The following ANKRD26 variants were observed in gnomAD, a reference collection of about 807,000 sequenced individuals.
ANKRD26 encodes ankyrin repeat domain 26, also known as ankyrin repeat domain-containing protein 26.
A neutral mutation model predicts 208.7 loss-of-function variants in ANKRD26; 141 were observed. The observed-to-expected ratio is 0.68, with a 90% CI of 0.59 to 0.78. The LOEUF (loss-of-function observed/expected upper bound fraction) is 0.78. Among genes scored for constraint, ANKRD26 ranks in the 30% least tolerant of loss-of-function variants. ANKRD26 has a pLI of 0.00. For synonymous variants in ANKRD26, 636 were observed against 660.4 expected (o/e 0.96, Z 0.57); for missense variants, 1,889 against 1,938.7 (o/e 0.97, Z 0.48).
intron 1 of ANKRD26, among the ~76,000 whole-genome samples, chr10:27,096,765 CA>C (rs1177909846): frequency 0.079 from 5,757 of 73,112 alleles, 136 homozygotes; most frequent in Admixed American, 0.21. Context: ...GACTCCATCT[CA>C]AAAAAAAAAA....
chr10:26,969,898 G>C (rs999164537), downstream of ANKRD26, among the ~76,000 whole-genome samples: 1 of 150,754 alleles, frequency 6.6e-6, no homozygotes, highest in Non-Finnish European at 1.5e-5. Context: ...GCCGTGATGC[G>C]ATCTCGGCTC....
chr10:26,981,976 G>A (rs974462816), intron 4 of ANKRD26, among the ~76,000 whole-genome samples: 7 of 152,166 alleles, frequency 4.6e-5, no homozygotes, highest in African/African-American at 1.7e-4. Flanking sequence ...GGATCTCTTA[G>A]GAATCAGTCC....
chr10:26,999,560 A>G (rs1287842837), downstream of ANKRD26, among the ~76,000 whole-genome samples: 1 of 152,072 alleles, frequency 6.6e-6, no homozygotes, highest in Non-Finnish European at 1.5e-5. Flanking sequence ...AGCTCCTTAT[A>G]TGCACCTGCC....
At chr10:27,080,514 A>C (rs2055869556) in intron 6 of ANKRD26, 1 of 514,268 alleles carries the variant, frequency 1.9e-6, no homozygotes, top group Admixed American at 6.4e-5. Context: ...GCCTTAAACT[A>C]GCAAGCCCTT....
At chr10:26,979,190 A>G (rs535051616) in intron 5 of ANKRD26, among the ~76,000 whole-genome samples, 1 of 152,320 alleles carries the variant, frequency 6.6e-6, no homozygotes, top group Admixed American at 6.5e-5. Flanking sequence ...ACTGCACTCC[A>G]GCCAGGCGAC....
At position 27,030,464 on chromosome 10, in the gene ANKRD26, G is replaced by A. The variant is rs2053828407; in HGVS notation, c.3808-1108C>T. On this transcript the variant is annotated intron_variant, in intron 25 of 33. Transcript: ENST00000376087. ...ACAAGGTTCCCAAATCAAGTCATTT[G>A]CAACAACTGTCTATGCTGAGCTGCT... is the stretch of plus-strand genomic sequence containing the variant. 1.4e-5 allele frequency: 14 copies of A among 985,282 alleles called. No individual in the cohort carries two copies. In the South Asian group the frequency reaches 5.6e-4, roughly 40 times the overall value. The allele number at this position is 985,282 out of a possible 1,614,324, so 61.0% of individuals were successfully genotyped here.
chr10:27,060,365 T>C lies in ANKRD26; in HGVS notation c.1544A>G (p.Asp515Gly), dbSNP rs2055010627. The change falls in exon 15 of 34, where the codon GAT becomes GGT. Residue 515 changes from aspartate (D) to glycine (G), a missense_variant. By Grantham distance (94) the Asp-to-Gly change is moderately conservative. This residue lies in a region of ANKRD26 where 1,272 missense variants were observed against 1,273.8 expected (regional missense o/e 1.00). Coordinates refer to ENST00000376087, the MANE Select transcript of ANKRD26 (RefSeq NM_014915.3). ...TTTACCTGCTTTGGATGTTTGTACA[T>C]CCTTCATTCCTCCTGCTTTATTTGG... ...SVPNKAGGMK[D>G]VQTSKAAEHD... 6.2e-7 allele frequency: 1 copy of C among 1,612,144 alleles called. No individual in the cohort carries two copies. The highest frequency in any genetic ancestry group is 1.7e-5 in the Admixed American group (1 of 59,996).
Position 27,086,612 on chromosome 10 carries a change from A to G in ANKRD26, c.639-3T>C. On this transcript the variant is annotated splice_region_variant and splice_polypyrimidine_tract_variant and intron_variant, in intron 4 of 33. Coordinates refer to ENST00000376087, the MANE Select transcript of ANKRD26 (RefSeq NM_014915.3). ...ATTCTGAAATTAGTTGGTGACTGCTATGTATAGAAAAATGTAACAAAATTA... is the reference window on the plus strand; with the variant it reads ...ATTCTGAAATTAGTTGGTGACTGCTGTGTATAGAAAAATGTAACAAAATTA... 6.2e-7 allele frequency: 1 copy of G among 1,600,610 alleles called. No individual in the cohort carries two copies. Among genetic ancestry groups the G allele is most frequent in the Non-Finnish European group, 8.5e-7 (1 of 1,173,044 alleles).
chr10:27,036,709 T>C (rs1468050534), intron 23 of ANKRD26, among the ~76,000 whole-genome samples: 4 of 152,136 alleles, frequency 2.6e-5, no homozygotes, highest in Non-Finnish European at 5.9e-5. Context: ...AATAAGATAC[T>C]ACTTGCAGTA....
At chr10:26,950,441 T>A in the ANKRD26 span, among the ~76,000 whole-genome samples, 1 of 132,144 alleles carries the variant, frequency 7.6e-6, no homozygotes, top group Non-Finnish European at 1.7e-5. Flanking sequence ...CGTACTAATA[T>A]ACTCATGTTG....
intron 29 of ANKRD26, among the ~76,000 whole-genome samples, chr10:27,019,985 T>G (rs937435866): frequency 2.0e-5 from 3 of 152,202 alleles, no homozygotes; most frequent in African/African-American, 4.8e-5. Flanking sequence ...GCTGCCTTTG[T>G]GTCCTGAGCT....
chr10:26,957,572 G>A, the ANKRD26 span, among the ~76,000 whole-genome samples: 2 of 152,082 alleles, frequency 1.3e-5, no homozygotes, highest in Admixed American at 6.5e-5. Flanking sequence ...GCAAGATGTT[G>A]AAACAAGTTC....
At position 27,053,342 on chromosome 10, in the gene ANKRD26, C is replaced by A; in HGVS notation, c.1613G>T (p.Gly538Val). Reference sequence around the variant, plus strand: ...TACCTGTGGCTGGTTATTTTCACTCCCTTCCCTTTCTTGCTCTTCTTCTGA... The same window carrying A: ...TACCTGTGGCTGGTTATTTTCACTCACTTCCCTTTCTTGCTCTTCTTCTGA... ...VASEEEQERE[G>V]SENNQPQVEE... Residue 538 changes from glycine (G) to valine (V), a missense_variant, in exon 16 of 34, where the codon GGG (glycine) becomes GTG (valine). Transcript: ENST00000376087. The A allele has an allele frequency of 6.2e-7, 1 of 1,610,284 alleles. No homozygotes were observed. Among genetic ancestry groups the A allele is most frequent in the East Asian group, 2.2e-5 (1 of 44,580 alleles).
At chr10:27,092,245 T>A (rs1371106886) in intron 4 of ANKRD26, among the ~76,000 whole-genome samples, 161 bp downstream of exon 4, 1 of 149,788 alleles carries the variant, frequency 6.7e-6, no homozygotes, top group Admixed American at 6.6e-5. Flanking sequence ...TTAACCTTCT[T>A]ATTAAATTAA....
At chr10:27,014,362 T>TACTA in intron 31 of ANKRD26, 132 bp downstream of exon 31, 1 of 671,324 alleles carries the variant, frequency 1.5e-6, no homozygotes, top group Non-Finnish European at 2.5e-6. Context: ...TAAGTTAATT[T>TACTA]ACTAACATTT....
At chr10:27,057,922 C>A (rs1488621031) in intron 15 of ANKRD26, among the ~76,000 whole-genome samples, 1 of 141,390 alleles carries the variant, frequency 7.1e-6, no homozygotes, top group African/African-American at 2.8e-5. Context: ...GGTGACAGAG[C>A]GAGACTCCAT....
rs762195334 is a variant in ANKRD26 at position 27,100,377 on chromosome 10, A to C, written c.-51T>G. 10 of 1,599,428 alleles carry C rather than the reference A, an allele frequency of 6.3e-6. No individual in the cohort carries two copies. The highest frequency in any genetic ancestry group is 3.3e-5 in the Admixed American group (2 of 59,714). On this transcript the variant is annotated 5_prime_UTR_variant, in exon 1 of 34. Transcript: ENST00000376087. ...CACCTCATGTCTCTCTCGGCTCTTA[A>C]CGGCCTCCGGAGCCCAACATAACAA...
At chr10:27,087,515 T>C (rs2056162589) in intron 4 of ANKRD26, among the ~76,000 whole-genome samples, 1 of 152,246 alleles carries the variant, frequency 6.6e-6, no homozygotes, top group Non-Finnish European at 1.5e-5. Flanking sequence ...TTATTAGTTA[T>C]TCTATTCTTT....
At chr10:26,980,757 A>G (rs2052295271) in exon 5 of ANKRD26, among the ~76,000 whole-genome samples, 1 of 152,152 alleles carries the variant, frequency 6.6e-6, no homozygotes, top group Non-Finnish European at 1.5e-5. Flanking sequence ...AAGGAGAGGA[A>G]GATGGTAGGC....
Sources: gnomAD v4.1 joint callset for allele counts (sites outside exome capture counted in the v4.1 genomes callset) on GRCh38, gnomAD v4.1.1 for gene constraint, gnomAD v4.1.1 regional missense constraint, MANE v1.5 for transcripts, NCBI Gene and HGNC (gene_info 2026-07-23, HGNC 2026-07-21) for gene names.